NOS3: variants seen among roughly 807,000 people sequenced by gnomAD.
NOS3 encodes the protein nitric oxide synthase 3.
In NOS3, 98 loss-of-function variants were observed where a neutral mutation model predicts 144.9. That is an observed-to-expected ratio of 0.68 (90% CI 0.57 to 0.80). NOS3 has a LOEUF of 0.80. Among genes scored for constraint, NOS3 ranks in the 30% least tolerant of loss-of-function variants. NOS3 has a pLI of 0.00. For missense variants in NOS3, 1,465 were observed against 1,656.4 expected (o/e 0.88, Z 2.01); for synonymous variants, 714 against 702.4 (o/e 1.02, Z -0.26).
At chr7:150,995,675 T>A (rs1048564290) in intron 3 of NOS3, among the ~76,000 whole-genome samples, 1 of 704 alleles carries the variant, frequency 1.4e-3, no homozygotes, top group Admixed American at 0.017. Context: ...CCTGCACCCC[T>A]CCTCCCTCTC....
At chr7:150,992,130 C>A (rs372534333) in intron 1 of NOS3, among the ~76,000 whole-genome samples, 2 of 139,366 alleles carry the variant, frequency 1.4e-5, no homozygotes, top group East Asian at 2.1e-4. Flanking sequence ...GCCTGGGTGA[C>A]AGAGCAAGAC....
At position 151,009,521 on chromosome 7, in the gene NOS3, C is replaced by T; in HGVS notation, c.2448C>T (p.Arg816=). The T allele has an allele frequency of 6.5e-7, 1 of 1,546,216 alleles. No individual in the cohort carries two copies. Among genetic ancestry groups the T allele is most frequent in the Non-Finnish European group, 8.7e-7 (1 of 1,146,104 alleles). The change falls in exon 20 of 27, where the codon CGC becomes CGT. Residue 816 remains arginine (R), a synonymous_variant. Transcript: ENST00000297494. ...RPGLVEALLS[R]VEDPPAPTEP... is the part of the protein sequence containing the mutation. ...GCCTTGTGGAGGCGCTGCTGAGCCG[C>T]GTGGAGGACCCGCCGGCGCCCACTG...
At position 150,998,729 on chromosome 7, in the gene NOS3, G is replaced by C. The variant is rs767373285; in HGVS notation, c.816+49G>C. On this transcript the variant is annotated intron_variant, in intron 7 of 26. Transcript: ENST00000297494. This position sits in a 1 kb window ranked among gnomAD's most constrained non-coding sequence, Gnocchi z 5.0. ...AGGGTGTCCCCAAGGTGGAGAATGA[G>C]GAAACCAGTGGGAGAAGGCTCGGGG... 2.9e-5 allele frequency: 45 copies of C among 1,569,682 alleles called. No homozygotes were observed. The highest frequency in any genetic ancestry group is 2.0e-4 in the Middle Eastern group (1 of 5,118).
Position 151,014,126 on chromosome 7 carries a change from C to T in NOS3, c.3569C>T (p.Pro1190Leu). 6.2e-7 allele frequency: 1 copy of T among 1,612,326 alleles called. No homozygotes were observed. Among genetic ancestry groups the T allele is most frequent in the Non-Finnish European group, 8.5e-7 (1 of 1,178,936 alleles). Reference protein sequence around the residue: ...LQERQLRGAVPWAFDPPGSDT... With the variant: ...LQERQLRGAVLWAFDPPGSDT... ...GAGCGTCAGTTGCGGGGCGCAGTGC[C>T]CTGGGCGTTCGACCCTCCCGGCTCA... Residue 1190 changes from proline to leucine, a missense_variant, in exon 27 of 27, where the codon CCC becomes CTC. Transcript: ENST00000297494.
In NOS3 at chr7:151,009,209, C is replaced by A. The variant is rs768385531; in HGVS notation, c.2266C>A (p.Arg756=). 1 of 1,613,692 alleles carries A rather than the reference C, an allele frequency of 6.2e-7. No homozygotes were observed. The highest frequency in any genetic ancestry group is 1.1e-5 in the South Asian group (1 of 91,062). The change falls in exon 19 of 27, where the codon CGG becomes AGG. Residue 756 remains arginine, a synonymous_variant. Transcript: ENST00000297494. ...CCCAGGTCTGATCCACGTGCACAGG[C>A]GGAAGATGTTCCAGGCTACAATCCG... ...LLPGLIHVHR[R]KMFQATIRSV...
rs769910730 is a variant in NOS3, at chr7:151,009,508, C to T, written c.2435C>T (p.Ala812Val). ...CPPNRPGLVE[A>V]LLSRVEDPPA... Reference sequence around the variant, plus strand: ...CCCAACCGGCCCGGCCTTGTGGAGGCGCTGCTGAGCCGCGTGGAGGACCCG... The same window carrying T: ...CCCAACCGGCCCGGCCTTGTGGAGGTGCTGCTGAGCCGCGTGGAGGACCCG... Residue 812 changes from alanine (A) to valine (V), a missense_variant, in exon 20 of 27, where the codon GCG becomes GTG. Ala to Val is a moderately conservative substitution (Grantham distance 64). This residue lies in a region of NOS3 where 745 missense variants were observed against 853.9 expected (regional missense o/e 0.87). Coordinates refer to ENST00000297494, the MANE Select transcript of NOS3 (RefSeq NM_000603.5). The T allele has an allele frequency of 2.6e-6, 4 of 1,547,164 alleles. No individual in the cohort carries two copies. The South Asian group carries it at 4.8e-5, about 18-fold the overall frequency.
At chr7:151,011,762 G>A (rs2256314) in intron 23 of NOS3, 282,187 of 367,838 alleles carry the variant, frequency 0.77, 109,108 homozygotes, top group South Asian at 0.84. Context: ...CTGACCTCAC[G>A]ATCCTCCCAC....
intron 17 of NOS3, among the ~76,000 whole-genome samples, chr7:151,008,013 C>G (rs1795232556): frequency 6.6e-6 from 1 of 152,146 alleles, no homozygotes; most frequent in African/African-American, 2.4e-5. Flanking sequence ...GGAGGTCAGG[C>G]TGCAGAAACA....
At position 151,013,298 on chromosome 7, in the gene NOS3, C is replaced by T. The variant is rs772256857; in HGVS notation, c.3174C>T (p.Arg1058=). The change falls in exon 25 of 27, where the codon CGC becomes CGT. Residue 1058 remains arginine (R), a synonymous_variant. Transcript: ENST00000297494. ...GCTCCCAACTTGACCATCTCTACCG[C>T]GACGAGGTGCAGAACGCCCAGCAGC... ...CRCSQLDHLY[R]DEVQNAQQRG... The T allele has an allele frequency of 4.6e-5, 74 of 1,614,110 alleles. No homozygotes were observed. The highest frequency in any genetic ancestry group is 6.1e-5 in the Non-Finnish European group (72 of 1,180,026).
At position 151,009,385 on chromosome 7, in the gene NOS3, T is replaced by A; in HGVS notation, c.2325-13T>A. 4 of 893,674 alleles carry A rather than the reference T, an allele frequency of 4.5e-6. No homozygotes were observed. The highest frequency in any genetic ancestry group is 4.5e-6 in the Non-Finnish European group (3 of 671,384). 55.4% of individuals were successfully genotyped at this position (893,674 alleles called of 1,614,324 possible). ...CTCTGACTCCCCATAAGTGCCCCTC[T>A]CCCCACCCCCAGGAGGGCCACCATC... On this transcript the variant is annotated splice_polypyrimidine_tract_variant and intron_variant, in intron 19 of 26. Transcript: ENST00000297494.
At chr7:150,995,145 TG>T in intron 2 of NOS3, 57 bp from the exon 3 acceptor site, 1 of 1,007,600 alleles carries the variant, frequency 9.9e-7, no homozygotes, top group Non-Finnish European at 1.5e-6. Context: ...GGGTGACATC[TG>T]GGAAGGCTGA....
rs138716215 is a variant in NOS3 at position 151,009,233 on chromosome 7, C to A, written c.2290C>A (p.Arg764Ser). The A allele has an allele frequency of 6.2e-7, 1 of 1,613,890 alleles. No individual in the cohort carries two copies. The highest frequency in any genetic ancestry group is 8.5e-7 in the Non-Finnish European group (1 of 1,179,880). Residue 764 changes from arginine (R) to serine (S), a missense_variant, in exon 19 of 27, where the codon CGC becomes AGC. This residue lies in a region of NOS3 where 745 missense variants were observed against 853.9 expected (regional missense o/e 0.87). Coordinates refer to ENST00000297494, the MANE Select transcript of NOS3 (RefSeq NM_000603.5). ...GCGGAAGATGTTCCAGGCTACAATC[C>A]GCTCAGTGGAAAACCTGCAAAGCAG... ...HRRKMFQATIRSVENLQSSKS... is the reference protein window; with the variant it reads ...HRRKMFQATISSVENLQSSKS...
rs752001067 is a variant in NOS3 at position 151,001,428 on chromosome 7, G to A, written c.1428+3G>A. On this transcript the variant is annotated splice_donor_region_variant and intron_variant, in intron 11 of 26. Coordinates refer to ENST00000297494, the MANE Select transcript of NOS3 (RefSeq NM_000603.5). ...TGTCCCCGGCCTTCCGCTACCAGGT[G>A]CCCACCCTAACTGGCTCTGCCAGCC... 5.7e-6 allele frequency: 9 copies of A among 1,586,230 alleles called. No individual in the cohort carries two copies. Among genetic ancestry groups the A allele is most frequent in the Non-Finnish European group, 7.7e-6 (9 of 1,164,150 alleles).
At position 151,009,027 on chromosome 7, in the gene NOS3, T is replaced by C; in HGVS notation, c.2210T>C (p.Leu737Pro). 1.2e-6 allele frequency: 2 copies of C among 1,612,482 alleles called. No individual in the cohort carries two copies. The highest frequency in any genetic ancestry group is 1.7e-6 in the Non-Finnish European group (2 of 1,179,600). The change falls in exon 18 of 27, where the codon CTG (leucine) becomes CCG (proline). Residue 737 changes from leucine to proline, a missense_variant. Physicochemically the swap from Leu to Pro is moderately conservative, Grantham distance 98. Transcript: ENST00000297494. ...AGCTGGAAGCGCCAGAGGTACCGGCTGAGCGCCCAGGCCGAGGGCCTGCAG... is the reference window on the plus strand; with the variant it reads ...AGCTGGAAGCGCCAGAGGTACCGGCCGAGCGCCCAGGCCGAGGGCCTGCAG... ...KRSWKRQRYR[L>P]SAQAEGLQLL...
chr7:150,992,826 C>T (rs189959142), intron 1 of NOS3, among the ~76,000 whole-genome samples: 80 of 152,356 alleles, frequency 5.3e-4, no homozygotes, highest in African/African-American at 1.9e-3. Flanking sequence ...AGATGCCCAG[C>T]TAGTGGCCTT....
Position 151,006,948 on chromosome 7 carries a change from G to T in NOS3, c.1880G>T (p.Arg627Leu). The change falls in exon 16 of 27, where the codon CGG becomes CTG. Residue 627 changes from arginine (R) to leucine (L), a missense_variant. Physicochemically the swap from Arg to Leu is moderately radical, Grantham distance 102. Transcript: ENST00000297494. Reference protein sequence around the residue: ...SCSDPLVSSWRRKRKESSNTD... With the variant: ...SCSDPLVSSWLRKRKESSNTD... Reference sequence around the variant, plus strand: ...TCAGACCCACTGGTGTCCTCTTGGCGGCGGAAGAGGAAGGAGTCCAGTAAC... The same window carrying T: ...TCAGACCCACTGGTGTCCTCTTGGCTGCGGAAGAGGAAGGAGTCCAGTAAC... 1 of 1,614,130 alleles carries T rather than the reference G, an allele frequency of 6.2e-7. No individual in the cohort carries two copies. Among genetic ancestry groups the T allele is most frequent in the Non-Finnish European group, 8.5e-7 (1 of 1,180,026 alleles).
rs1349104325 is a variant in NOS3, at chr7:151,003,347, A to G, written c.1752+1043A>G. On this transcript the variant is annotated intron_variant, in intron 14 of 26. Transcript: ENST00000297494. The surrounding 1 kb of genome is among the most constrained non-coding windows in gnomAD (Gnocchi z 4.1). ...CGCCATGTTGCCCAGGCTGGTCTCT[A>G]ACTCCTGGGTTCAAGCAATCCACCT... 5.1e-5 allele frequency: 49 copies of G among 957,492 alleles called. No homozygotes were observed. The highest frequency in any genetic ancestry group is 7.1e-5 in the Non-Finnish European group (49 of 693,978). 59.3% of individuals were successfully genotyped at this position (957,492 alleles called of 1,614,324 possible).
intron 26 of NOS3, 35 bp downstream of exon 26, chr7:151,013,953 G>A (rs969513144): frequency 3.7e-6 from 6 of 1,604,672 alleles, no homozygotes; most frequent in African/African-American, 1.3e-5. Flanking sequence ...AGCGTGCGGG[G>A]TTCCTGCTAA....
chr7:150,993,947 A>T lies in NOS3; in HGVS notation c.144A>T (p.Pro48=). The part of the protein sequence containing the change: ...PSRAPASLLP[P]APEHSPPSSP... ...GGGCCCCAGCATCCCTACTCCCACCAGCGCCAGAACACAGGTAAGGGCCAG... is the reference window on the plus strand; with the variant it reads ...GGGCCCCAGCATCCCTACTCCCACCTGCGCCAGAACACAGGTAAGGGCCAG... The change falls in exon 2 of 27, where the codon CCA becomes CCT. Residue 48 remains proline (P), a synonymous_variant. Transcript: ENST00000297494. The surrounding 1 kb of genome is among the most constrained non-coding windows in gnomAD (Gnocchi z 4.0). 1 of 1,568,014 alleles carries T rather than the reference A, an allele frequency of 6.4e-7. No individual in the cohort carries two copies. The highest frequency in any genetic ancestry group is 1.2e-5 in the South Asian group (1 of 86,274).
Sources: gnomAD v4.1 joint callset for allele counts (sites outside exome capture counted in the v4.1 genomes callset) on GRCh38, gnomAD v4.1.1 for gene constraint, gnomAD v4.1.1 regional missense constraint, Gnocchi (gnomAD v3.1) non-coding constraint, MANE v1.5 for transcripts, NCBI Gene and HGNC (gene_info 2026-07-23, HGNC 2026-07-21) for gene names.